LRP6: variants seen among roughly 807,000 people sequenced by gnomAD.
LRP6 encodes the protein low-density lipoprotein receptor-related protein 6.
Under a neutral mutation model 184.1 loss-of-function variants are expected in LRP6, and 43 were observed. The ratio of observed to expected loss-of-function variants is 0.23; its 90% CI spans 0.18 to 0.30. LRP6 has a LOEUF of 0.30. Ranked by LOEUF, LRP6 falls within the 10% of genes least tolerant of loss-of-function variation. LRP6 has a pLI of 1.00. For synonymous variants in LRP6, 719 were observed against 684.9 expected, an observed-to-expected ratio of 1.05 and a Z score of -0.78; for missense variants, 1,571 against 2,005.3, an observed-to-expected ratio of 0.78 and a Z score of 4.14.
Position 12,120,612 on chromosome 12 carries a change from T to C in LRP6, c.*514A>G, listed in dbSNP as rs1024639798. The C allele has an allele frequency of 6.5e-6, 1 of 152,754 alleles. No individual in the cohort carries two copies. Among genetic ancestry groups the C allele is most frequent in the Non-Finnish European group, 1.5e-5 (1 of 68,248 alleles). The allele number at this position is 152,754 out of a possible 1,614,324, so 9.5% of individuals were successfully genotyped here. On this transcript the variant is annotated 3_prime_UTR_variant, in exon 23 of 23. Coordinates refer to ENST00000261349, the MANE Select transcript of LRP6 (RefSeq NM_002336.3). ...CAAAGCCCTTCGTCCAAGGTTAGTA[T>C]TAATTGCATTTTTTTCCTTTCATCA...
intron 1 of LRP6, among the ~76,000 whole-genome samples, chr12:12,258,191 ACTGTAGCCT>A (rs1865519165): frequency 6.6e-6 from 1 of 152,138 alleles, no homozygotes; most frequent in Non-Finnish European, 1.5e-5. Flanking sequence ...ATCATGGCTC[ACTGTAGCCT>A]TGAGTTCCTG....
intron 2 of LRP6, among the ~76,000 whole-genome samples, chr12:12,239,783 C>G (rs1029116019): frequency 6.6e-6 from 1 of 151,482 alleles, no homozygotes; most frequent in Non-Finnish European, 1.5e-5. Flanking sequence ...GCAAAGAAAG[C>G]TTTTATTAAA....
At chr12:12,134,604 G>A (rs1211945030) in intron 17 of LRP6, among the ~76,000 whole-genome samples, 2 of 152,036 alleles carry the variant, frequency 1.3e-5, no homozygotes, top group East Asian at 1.9e-4. Flanking sequence ...GAAGCAACAG[G>A]AATTTGCTGA....
At chr12:12,154,127 C>T (rs1362622177) in intron 12 of LRP6, among the ~76,000 whole-genome samples, 2 of 152,168 alleles carry the variant, frequency 1.3e-5, no homozygotes, top group Admixed American at 1.3e-4. Flanking sequence ...TCTGGCTTCC[C>T]ATTTCCTCTC....
intron 2 of LRP6, among the ~76,000 whole-genome samples, chr12:12,221,713 T>C (rs1334858984): frequency 6.6e-6 from 1 of 152,180 alleles, no homozygotes; most frequent in Admixed American, 6.5e-5. Flanking sequence ...CAAGCACCTG[T>C]TTATCCATAG....
intron 2 of LRP6, among the ~76,000 whole-genome samples, chr12:12,225,871 CAA>C (rs748835751): frequency 2.6e-4 from 31 of 117,016 alleles, no homozygotes; most frequent in Non-Finnish European, 2.6e-4. Context: ...GACTGTGTCT[CAA>C]AAAAAAAAAA....
In LRP6 at chr12:12,119,095, G is replaced by A. The variant is rs1424748725; in HGVS notation, c.*2031C>T. On this transcript the variant is annotated 3_prime_UTR_variant, in exon 23 of 23. Transcript: ENST00000261349. The stretch of plus-strand genomic sequence containing the variant: ...GGGCACTTAGTTCCAGCAATGGGAA[G>A]AGTTCATGCTTGTCTGTTTTAGGAT... The A allele has an allele frequency of 6.6e-6, 1 of 152,216 alleles. No individual in the cohort carries two copies. The highest frequency in any genetic ancestry group is 1.9e-4 in the East Asian group (1 of 5,200). The allele number at this position is 152,216 out of a possible 1,614,324, so 9.4% of individuals were successfully genotyped here.
intron 2 of LRP6, among the ~76,000 whole-genome samples, chr12:12,238,831 T>C (rs564697276): frequency 2.6e-5 from 4 of 152,152 alleles, no homozygotes; most frequent in African/African-American, 7.2e-5. Context: ...AAATAAGAAA[T>C]TGCTACACTG....
At chr12:12,130,429 G>A (rs541847132) in intron 19 of LRP6, among the ~76,000 whole-genome samples, 13 of 152,108 alleles carry the variant, frequency 8.5e-5, no homozygotes, top group African/African-American at 2.4e-4. Context: ...CAAGTGATCC[G>A]CCCACCTTGG....
intron 1 of LRP6, among the ~76,000 whole-genome samples, chr12:12,247,797 T>C (rs561912449): frequency 6.6e-6 from 1 of 152,330 alleles, no homozygotes; most frequent in South Asian, 2.1e-4. Flanking sequence ...GTATCTTCCA[T>C]TCCAGAGAGC....
intron 15 of LRP6, among the ~76,000 whole-genome samples, chr12:12,147,107 CAAG>C (rs1206417633): frequency 7.2e-5 from 11 of 151,836 alleles, no homozygotes; most frequent in Non-Finnish European, 1.5e-4. Context: ...GGCGATAAAG[CAAG>C]ACTCCGTCTC....
In LRP6 at chr12:12,160,929, G is replaced by C. The variant is rs142483901; in HGVS notation, c.2280-965C>G. ...CATATATTCACTCATCAGCCTGTCAGCTGATAGCTGACTTGGTAGCAATGT... is the reference window on the plus strand; with the variant it reads ...CATATATTCACTCATCAGCCTGTCACCTGATAGCTGACTTGGTAGCAATGT... On this transcript the variant is annotated intron_variant, in intron 10 of 22. Transcript: ENST00000261349. 1.3e-4 allele frequency among the ~76,000 whole-genome samples: 20 copies of C among 152,354 alleles called. No homozygotes were observed. The East Asian group carries it at 3.9e-3, about 29-fold the overall frequency.
intron 3 of LRP6, among the ~76,000 whole-genome samples, chr12:12,192,547 CAAATAGATTGA>C (rs1262250153): frequency 6.6e-6 from 1 of 151,768 alleles, no homozygotes; most frequent in African/African-American, 2.4e-5. Context: ...TTCAAAGATA[CAAATAGATTGA>C]AAAGAAAAGG....
At chr12:12,239,082 G>T (rs1307072383) in intron 2 of LRP6, among the ~76,000 whole-genome samples, 1 of 152,142 alleles carries the variant, frequency 6.6e-6, no homozygotes, top group African/African-American at 2.4e-5. Context: ...CCAAAGAAGG[G>T]AAGGAAGGCA....
At chr12:12,201,120 T>C (rs1399453145) in intron 3 of LRP6, among the ~76,000 whole-genome samples, 1 of 152,218 alleles carries the variant, frequency 6.6e-6, no homozygotes, top group Non-Finnish European at 1.5e-5. Flanking sequence ...AAAAACCTAG[T>C]AGCTTGCTTT....
intron 12 of LRP6, among the ~76,000 whole-genome samples, chr12:12,157,693 T>C (rs1328039912): frequency 6.6e-6 from 1 of 152,210 alleles, no homozygotes; most frequent in Non-Finnish European, 1.5e-5. Context: ...AAGAAAGTCA[T>C]GTCAATAGTT....
chr12:12,145,624 C>CTTTTTTTTTTT (rs1157764946), intron 15 of LRP6, among the ~76,000 whole-genome samples: 3 of 80,314 alleles, frequency 3.7e-5, no homozygotes, highest in Non-Finnish European at 7.9e-5. Flanking sequence ...TTTTCTTTTT[C>CTTTTTTTTTTT]TTTTTTTTTT....
rs779645822 is a variant in LRP6, at chr12:12,121,344, C to G, written c.4624G>C (p.Ala1542Pro). ...CSTDVCDSDY[A>P]PSRRMTSVAT... ...ACTGAGGTCATTCTCCGACTAGGAGCATAGTCACTGTCACAAACATCTGTG... is the reference window on the plus strand; with the variant it reads ...ACTGAGGTCATTCTCCGACTAGGAGGATAGTCACTGTCACAAACATCTGTG... Residue 1542 changes from alanine to proline, a missense_variant, in exon 23 of 23, where the codon GCT becomes CCT. By Grantham distance (27) the Ala-to-Pro change is conservative (BLOSUM62 -1). Coordinates refer to ENST00000261349, the MANE Select transcript of LRP6 (RefSeq NM_002336.3). The G allele has an allele frequency of 1.2e-6, 2 of 1,614,138 alleles. No individual in the cohort carries two copies. Among genetic ancestry groups the G allele is most frequent in the Non-Finnish European group, 1.7e-6 (2 of 1,180,006 alleles).
At chr12:12,252,702 G>T (rs1249718062) in intron 1 of LRP6, among the ~76,000 whole-genome samples, 1 of 152,010 alleles carries the variant, frequency 6.6e-6, no homozygotes, top group Non-Finnish European at 1.5e-5. Flanking sequence ...TTCTAGGTTG[G>T]CTAATGGTTC....
Sources: gnomAD v4.1 joint callset for allele counts (sites outside exome capture counted in the v4.1 genomes callset) on GRCh38, gnomAD v4.1.1 for gene constraint, MANE v1.5 for transcripts, NCBI Gene and HGNC (gene_info 2026-07-23, HGNC 2026-07-21) for gene names.